The following SPAG16 variants were observed in gnomAD, a reference collection of about 807,000 sequenced individuals.
The protein encoded by SPAG16 is sperm associated antigen 16.
SPAG16 carries 86 observed loss-of-function variants against 80.4 expected under a neutral mutation model. The observed-to-expected ratio is 1.07, with a 90% CI of 0.90 to 1.28. The LOEUF (loss-of-function observed/expected upper bound fraction) is 1.28. Among genes scored for constraint, SPAG16 ranks in the 50% most tolerant of loss-of-function variants. The probability of loss-of-function intolerance (pLI) is 0.00; values close to 1 mark genes in which losing one functional copy is unlikely to be tolerated. For missense variants in SPAG16, 870 were observed against 765.3 expected (o/e 1.14, Z -1.61); for synonymous variants, 294 against 265.9 (o/e 1.11, Z -1.03).
At chr2:213,713,410 G>T (rs114055217) in intron 10 of SPAG16, among the ~76,000 whole-genome samples, 1 of 152,164 alleles carries the variant, frequency 6.6e-6, no homozygotes, top group African/African-American at 2.4e-5. Flanking sequence ...AGCAAAAGGA[G>T]GCTGGAAACA....
At chr2:214,075,414 G>A (rs1297535719) in intron 13 of SPAG16, among the ~76,000 whole-genome samples, 1 of 151,894 alleles carries the variant, frequency 6.6e-6, no homozygotes, top group Non-Finnish European at 1.5e-5. Flanking sequence ...AATCAAAATA[G>A]TGTTTACTTT....
At chr2:213,557,901 C>T (rs952186011) in intron 10 of SPAG16, among the ~76,000 whole-genome samples, 2 of 152,122 alleles carry the variant, frequency 1.3e-5, no homozygotes, top group African/African-American at 4.8e-5. Flanking sequence ...TAATCCTATT[C>T]TTTCTAAAGG....
At chr2:213,836,055 CATT>C (rs2074053295) in intron 10 of SPAG16, among the ~76,000 whole-genome samples, 1 of 151,998 alleles carries the variant, frequency 6.6e-6, no homozygotes, top group Non-Finnish European at 1.5e-5. Flanking sequence ...CCAGTGATAA[CATT>C]ATCTGTTACC....
chr2:214,297,823 C>G (rs1343513003), intron 15 of SPAG16, among the ~76,000 whole-genome samples: 2 of 126,010 alleles, frequency 1.6e-5, no homozygotes, highest in Non-Finnish European at 3.5e-5. Context: ...CTATTTGGCT[C>G]TTTTTTTTTT....
intron 10 of SPAG16, among the ~76,000 whole-genome samples, chr2:213,797,519 A>G (rs1232946173): frequency 1.3e-5 from 2 of 152,208 alleles, no homozygotes; most frequent in African/African-American, 4.8e-5. Flanking sequence ...ACAATAACAT[A>G]TTGTACATAT....
intron 10 of SPAG16, among the ~76,000 whole-genome samples, chr2:213,545,356 T>A (rs1471005521): frequency 6.6e-6 from 1 of 152,172 alleles, no homozygotes; most frequent in Non-Finnish European, 1.5e-5. Context: ...TTGTTTATTT[T>A]AGATAATACT....
intron 10 of SPAG16, among the ~76,000 whole-genome samples, chr2:213,725,408 A>G (rs1230303783): frequency 1.3e-5 from 2 of 152,176 alleles, no homozygotes; most frequent in African/African-American, 2.4e-5. Flanking sequence ...TAGTGATATA[A>G]CCATATTCTA....
At chr2:213,348,619 T>C (rs902235152) in intron 6 of SPAG16, among the ~76,000 whole-genome samples, 2 of 152,316 alleles carry the variant, frequency 1.3e-5, no homozygotes, top group East Asian at 1.9e-4. Context: ...AAGGATTTTA[T>C]TTCTCCTTCA....
intron 10 of SPAG16, among the ~76,000 whole-genome samples, chr2:213,835,324 G>T (rs1274461894): frequency 6.6e-6 from 1 of 152,130 alleles, no homozygotes; most frequent in African/African-American, 2.4e-5. Flanking sequence ...TTCCATGTAA[G>T]TTACAGAGAA....
intron 11 of SPAG16, among the ~76,000 whole-genome samples, chr2:213,872,145 C>G (rs1261268351): frequency 1.3e-5 from 2 of 152,010 alleles, no homozygotes; most frequent in East Asian, 3.9e-4. Flanking sequence ...GGTTGACCCA[C>G]TGTAATCACA....
intron 14 of SPAG16, among the ~76,000 whole-genome samples, chr2:214,141,121 T>A (rs2125536822): frequency 6.6e-6 from 1 of 152,202 alleles, no homozygotes; most frequent in Non-Finnish European, 1.5e-5. Flanking sequence ...AGAGTTAGGG[T>A]TTGGATTCAG....
intron 15 of SPAG16, among the ~76,000 whole-genome samples, chr2:214,347,831 G>C (rs773510916): frequency 6.6e-6 from 1 of 152,148 alleles, no homozygotes; most frequent in Non-Finnish European, 1.5e-5. Flanking sequence ...GAACTTTTAT[G>C]TACAGGGAGT....
chr2:213,365,681 C>A (rs1367846064), intron 8 of SPAG16, among the ~76,000 whole-genome samples: 3 of 151,814 alleles, frequency 2.0e-5, no homozygotes, highest in African/African-American at 7.3e-5. Flanking sequence ...TGGTCTTGAA[C>A]TCCTGTCTTG....
intron 7 of SPAG16, among the ~76,000 whole-genome samples, chr2:213,363,583 G>A (rs1299881585): frequency 2.6e-5 from 4 of 151,994 alleles, no homozygotes; most frequent in Non-Finnish European, 4.4e-5. Context: ...GCTAACAAAA[G>A]TTCTTAGTTA....
At chr2:213,441,684 A>G (rs2070966159) in intron 9 of SPAG16, among the ~76,000 whole-genome samples, 2 of 152,234 alleles carry the variant, frequency 1.3e-5, no homozygotes, top group Admixed American at 1.3e-4. Flanking sequence ...TTGGGAAGAA[A>G]TAAAATTACT....
At chr2:213,456,097 T>C (rs1302476135) in intron 9 of SPAG16, among the ~76,000 whole-genome samples, 1 of 152,246 alleles carries the variant, frequency 6.6e-6, no homozygotes, top group East Asian at 1.9e-4. Flanking sequence ...CAGCCAGACT[T>C]GGCGTGTGGT....
chr2:213,454,273 T>C (rs974884257), intron 9 of SPAG16, among the ~76,000 whole-genome samples: 2 of 152,204 alleles, frequency 1.3e-5, no homozygotes, highest in Non-Finnish European at 2.9e-5. Context: ...TAGCAAACTA[T>C]GGATCATATC....
intron 10 of SPAG16, among the ~76,000 whole-genome samples, chr2:213,670,542 A>G (rs56069759): frequency 6.6e-6 from 1 of 151,980 alleles, no homozygotes; most frequent in Non-Finnish European, 1.5e-5. Context: ...TTTAAAAATT[A>G]TCTTTTGACT....
intron 12 of SPAG16, among the ~76,000 whole-genome samples, chr2:213,931,397 C>G (rs1406452387): frequency 6.6e-6 from 1 of 152,102 alleles, no homozygotes; most frequent in African/African-American, 2.4e-5. Flanking sequence ...TACTATTTAT[C>G]TGGAATATCC....
Sources: gnomAD v4.1 joint callset for allele counts (sites outside exome capture counted in the v4.1 genomes callset) on GRCh38, gnomAD v4.1.1 for gene constraint, MANE v1.5 for transcripts, NCBI Gene and HGNC (gene_info 2026-07-23, HGNC 2026-07-21) for gene names.